Variants in CNTLN observed in about 807,000 individuals in gnomAD.
The protein encoded by CNTLN is centlein.
In CNTLN, 212 loss-of-function variants were observed where a neutral mutation model predicts 180.0. The ratio of observed to expected loss-of-function variants is 1.18; its 90% CI spans 1.05 to 1.32. The LOEUF (loss-of-function observed/expected upper bound fraction) is 1.32. Among genes scored for constraint, CNTLN ranks in the 40% most tolerant of loss-of-function variants. The pLI is 0.00. For synonymous variants in CNTLN, 722 were observed against 563.1 expected (o/e 1.28, Z -3.99); for missense variants, 2,095 against 1,610.9 (o/e 1.30, Z -5.14).
intron 6 of CNTLN, among the ~76,000 whole-genome samples, chr9:17,286,536 T>C (rs1828992174): frequency 7.2e-6 from 1 of 139,682 alleles, no homozygotes; most frequent in Non-Finnish European, 1.5e-5. Flanking sequence ...TTTCCAATTC[T>C]GTGAGGAAAG....
intron 7 of CNTLN, chr9:17,299,667 G>A: frequency 1.0e-6 from 1 of 982,976 alleles, no homozygotes; most frequent in South Asian, 4.7e-5. Context: ...TTTGTTTTAT[G>A]GGGTGACATT....
At chr9:17,348,182 G>T (rs1475862997) in intron 12 of CNTLN, among the ~76,000 whole-genome samples, 1 of 151,978 alleles carries the variant, frequency 6.6e-6, no homozygotes, top group Non-Finnish European at 1.5e-5. Context: ...CTTATTGCCA[G>T]CCTGGGAAAA....
chr9:17,253,353 G>A (rs1826271967), intron 5 of CNTLN, among the ~76,000 whole-genome samples: 1 of 151,494 alleles, frequency 6.6e-6, no homozygotes. Flanking sequence ...GATTGCTTTG[G>A]GCAGTTTGGT....
At chr9:17,460,227 A>G (rs1235698660) in intron 19 of CNTLN, among the ~76,000 whole-genome samples, 3 of 151,716 alleles carry the variant, frequency 2.0e-5, no homozygotes, top group African/African-American at 7.2e-5. Context: ...CATAGAGCCG[A>G]GATGAGAACT....
chr9:17,302,628 C>A (rs1305745589), intron 7 of CNTLN, among the ~76,000 whole-genome samples: 4 of 152,180 alleles, frequency 2.6e-5, no homozygotes, highest in Non-Finnish European at 4.4e-5. Flanking sequence ...GTTACTGAAA[C>A]TTGAGACATT....
At chr9:17,435,079 A>G (rs923495650) in intron 18 of CNTLN, among the ~76,000 whole-genome samples, 11 of 152,194 alleles carry the variant, frequency 7.2e-5, no homozygotes, top group African/African-American at 2.7e-4. Flanking sequence ...CTGTATTGCA[A>G]GATAATATTT....
chr9:17,469,397 C>A lies in CNTLN; in HGVS notation c.3855+2506C>A, dbSNP rs542620114. ...ATAACCTATTTTTCAAATATAGGGCCACCAGCAAATTAATAGCCAAAACCA... is the reference window on the plus strand; with the variant it reads ...ATAACCTATTTTTCAAATATAGGGCAACCAGCAAATTAATAGCCAAAACCA... On this transcript the variant is annotated intron_variant, in intron 23 of 25. Coordinates refer to ENST00000380647, the MANE Select transcript of CNTLN (RefSeq NM_017738.4). Among the ~76,000 whole-genome samples the A allele has an allele frequency of 1.1e-4, 16 of 151,732 alleles. 1 individual carries two copies. The highest frequency in any genetic ancestry group is 9.9e-4 in the Admixed American group (15 of 15,194).
intron 12 of CNTLN, among the ~76,000 whole-genome samples, chr9:17,354,896 A>C (rs1187430949): frequency 6.6e-6 from 1 of 152,082 alleles, no homozygotes; most frequent in Non-Finnish European, 1.5e-5. Context: ...CAAGATCTGC[A>C]GTTTCACTCC....
chr9:17,326,166 T>G (rs1424926869), intron 8 of CNTLN, among the ~76,000 whole-genome samples: 1 of 152,096 alleles, frequency 6.6e-6, no homozygotes, highest in Non-Finnish European at 1.5e-5. Context: ...TTTAAAAAGA[T>G]TATTTCCACC....
intron 10 of CNTLN, among the ~76,000 whole-genome samples, chr9:17,333,444 A>G (rs910421930): frequency 1.3e-5 from 2 of 152,094 alleles, no homozygotes; most frequent in African/African-American, 4.8e-5. Flanking sequence ...GTTTAATCAT[A>G]TAATTCTCAA....
intron 4 of CNTLN, 83 bp downstream of exon 4, chr9:17,235,875 G>A (rs1170144397): frequency 2.1e-6 from 3 of 1,457,624 alleles, no homozygotes; most frequent in Non-Finnish European, 2.8e-6. Context: ...GGCACAGAAA[G>A]TGACAGATTT....
At chr9:17,295,408 C>A (rs1441408369) in intron 6 of CNTLN, among the ~76,000 whole-genome samples, 2 of 152,192 alleles carry the variant, frequency 1.3e-5, no homozygotes, top group Admixed American at 1.3e-4. Flanking sequence ...GTCGATCACT[C>A]ACCATTTCCC....
intron 18 of CNTLN, among the ~76,000 whole-genome samples, chr9:17,432,124 T>G (rs1311285664): frequency 6.6e-6 from 1 of 151,804 alleles, no homozygotes; most frequent in East Asian, 1.9e-4. Flanking sequence ...ATGAAGTAAA[T>G]CCAAACCTGG....
In CNTLN at chr9:17,466,130, A is replaced by T; in HGVS notation, c.3669+12A>T. 1.5e-5 allele frequency: 24 copies of T among 1,591,034 alleles called. No individual in the cohort carries two copies. The highest frequency in any genetic ancestry group is 2.1e-5 in the Non-Finnish European group (24 of 1,164,750). On this transcript the variant is annotated intron_variant, in intron 22 of 25. Coordinates refer to ENST00000380647, the MANE Select transcript of CNTLN (RefSeq NM_017738.4). ...AGTTAGAAAAAAAGGTATGCTTTTA[A>T]AAAGGGCATTTTAGATTACAGATGG...
chr9:17,463,275 C>T (rs759726813), intron 20 of CNTLN, among the ~76,000 whole-genome samples: 17 of 151,358 alleles, frequency 1.1e-4, no homozygotes, highest in Non-Finnish European at 1.8e-4. Context: ...TTAATGGCTT[C>T]GAGACAATGA....
At chr9:17,262,945 C>T (rs10962965) in intron 5 of CNTLN, among the ~76,000 whole-genome samples, 35,522 of 150,718 alleles carry the variant, frequency 0.24, 5,447 homozygotes, top group African/African-American at 0.37. Flanking sequence ...TCAAAAGCTT[C>T]TCTGTGTCTA....
intron 12 of CNTLN, among the ~76,000 whole-genome samples, chr9:17,359,743 A>C (rs1241934327): frequency 1.4e-4 from 17 of 117,646 alleles, no homozygotes; most frequent in African/African-American, 5.1e-4. Flanking sequence ...AAAAAAAAAA[A>C]AAAAAAACTA....
At chr9:17,421,158 A>G (rs767891084) in intron 18 of CNTLN, among the ~76,000 whole-genome samples, 29 of 152,132 alleles carry the variant, frequency 1.9e-4, no homozygotes, top group Non-Finnish European at 3.7e-4. Flanking sequence ...AAAGTAGGGT[A>G]TTGAGATCTC....
rs576443248 is a variant in CNTLN, at chr9:17,299,951, A to C, written c.1146+1599A>C. On this transcript the variant is annotated intron_variant, in intron 7 of 25. Transcript: ENST00000380647. ...TTCTTTGTGGTCCTCCCCAGTCTCC[A>C]TGTCCTGTAAAGTGTGAAAATGTTC... 316 of 218,274 alleles carry C rather than the reference A, an allele frequency of 1.4e-3. 1 individual carries two copies. Among genetic ancestry groups the C allele is most frequent in the Admixed American group, 2.3e-3 (36 of 15,342 alleles). 13.5% of individuals were successfully genotyped at this position (218,274 alleles called of 1,614,324 possible).
Sources: gnomAD v4.1 joint callset for allele counts (sites outside exome capture counted in the v4.1 genomes callset) on GRCh38, gnomAD v4.1.1 for gene constraint, MANE v1.5 for transcripts, NCBI Gene and HGNC (gene_info 2026-07-23, HGNC 2026-07-21) for gene names.